Variants in CACNG4 observed in about 807,000 individuals in gnomAD.
CACNG4 encodes the protein calcium voltage-gated channel auxiliary subunit gamma 4, also known as voltage-dependent calcium channel gamma-4 subunit.
A neutral mutation model predicts 22.9 loss-of-function variants in CACNG4; 8 were observed. The ratio of observed to expected loss-of-function variants is 0.35; its 90% CI spans 0.21 to 0.63. The LOEUF (loss-of-function observed/expected upper bound fraction) is 0.63. Ranked by LOEUF, CACNG4 falls within the 30% of genes least tolerant of loss-of-function variation. The pLI is 0.72. For missense variants in CACNG4, 357 were observed against 455.4 expected (o/e 0.78, Z 1.97); for synonymous variants, 188 against 191.9 (o/e 0.98, Z 0.17).
chr17:67,023,521 T>A (rs1003288165), intron 2 of CACNG4, among the ~76,000 whole-genome samples: 3 of 151,594 alleles, frequency 2.0e-5, no homozygotes, highest in African/African-American at 7.3e-5. Context: ...GTGATCCACC[T>A]GCCTCAGCCT....
intron 1 of CACNG4, among the ~76,000 whole-genome samples, chr17:66,986,370 G>T (rs1200334942): frequency 6.6e-6 from 1 of 152,180 alleles, no homozygotes; most frequent in African/African-American, 2.4e-5. Context: ...CAAGGCTAGG[G>T]CAGGGGCACT....
At chr17:67,000,437 A>G (rs1855152201) in intron 1 of CACNG4, among the ~76,000 whole-genome samples, 1 of 151,968 alleles carries the variant, frequency 6.6e-6, no homozygotes, top group Non-Finnish European at 1.5e-5. Flanking sequence ...AAATGCAAGC[A>G]AAAGCCTCAA....
In CACNG4 at chr17:66,973,472, G is replaced by A. The variant is rs555790882; in HGVS notation, c.220+8341G>A. On this transcript the variant is annotated intron_variant, in intron 1 of 3. Coordinates refer to ENST00000262138, the MANE Select transcript of CACNG4 (RefSeq NM_014405.4). Reference sequence around the variant, plus strand: ...AGACAGGTGAGGCAGAGTGACTTACGCAAGGTGGCATGGCTCAGGAGCAGA... The same window carrying A: ...AGACAGGTGAGGCAGAGTGACTTACACAAGGTGGCATGGCTCAGGAGCAGA... 1.1e-4 allele frequency among the ~76,000 whole-genome samples: 16 copies of A among 152,340 alleles called. No individual in the cohort carries two copies. The South Asian group carries it at 1.2e-3, about 12-fold the overall frequency.
Position 66,964,878 on chromosome 17 carries a change from G to A in CACNG4, c.-34G>A, listed in dbSNP as rs1480435755. ...GGAGGGCGGGCGGGCGCGGCGGGCC[G>A]GGCCGGCGGGCGGCGGACTATGAGG... On this transcript the variant is annotated 5_prime_UTR_variant, in exon 1 of 4. Transcript: ENST00000262138. The A allele has an allele frequency of 4.1e-6, 5 of 1,216,734 alleles. No individual in the cohort carries two copies. The highest frequency in any genetic ancestry group is 3.3e-4 in the Middle Eastern group (1 of 3,026). The allele number at this position is 1,216,734 out of a possible 1,614,324, so 75.4% of individuals were successfully genotyped here. A position where few individuals can be genotyped will look rare whatever the true frequency, so the allele number is the denominator to read the frequency against.
At position 66,984,049 on chromosome 17, in the gene CACNG4, C is replaced by A. The variant is rs534274709; in HGVS notation, c.220+18918C>A. Among the ~76,000 whole-genome samples the A allele has an allele frequency of 6.6e-6, 1 of 152,218 alleles. No homozygotes were observed. Among genetic ancestry groups the A allele is most frequent in the Admixed American group, 6.5e-5 (1 of 15,294 alleles). ...AGACACATGTTCATCTAACTGCACC[C>A]TTAGGATTACTCTCTGTAGATTATC... On this transcript the variant is annotated intron_variant, in intron 1 of 3. Transcript: ENST00000262138. This position sits in a 1 kb window ranked among gnomAD's most constrained non-coding sequence, Gnocchi z 4.0.
intron 1 of CACNG4, among the ~76,000 whole-genome samples, chr17:66,995,442 T>C (rs951421835): frequency 3.9e-5 from 6 of 152,212 alleles, no homozygotes; most frequent in African/African-American, 1.4e-4. Flanking sequence ...AATGGAACCT[T>C]GCAGGGTTGG....
intron 1 of CACNG4, among the ~76,000 whole-genome samples, chr17:66,971,213 T>G (rs2035202473): frequency 6.6e-6 from 1 of 150,972 alleles, no homozygotes; most frequent in South Asian, 2.1e-4. Context: ...TGTGGCCTCA[T>G]GGAGGGTCCT....
In CACNG4 at chr17:67,031,909, A is replaced by G; in HGVS notation, c.*905A>G. The G allele has an allele frequency of 2.2e-6, 1 of 456,698 alleles. No individual in the cohort carries two copies. The highest frequency in any genetic ancestry group is 1.5e-5 in the South Asian group (1 of 64,560). 28.3% of individuals were successfully genotyped at this position (456,698 alleles called of 1,614,324 possible). ...AGAGGTGGACAGACACCTCCCTCCAACTGGCATTTGGCAACAGGAGCCTGG... is the reference window on the plus strand; with the variant it reads ...AGAGGTGGACAGACACCTCCCTCCAGCTGGCATTTGGCAACAGGAGCCTGG... On this transcript the variant is annotated 3_prime_UTR_variant, in exon 4 of 4. Transcript: ENST00000262138. This position sits in a 1 kb window ranked among gnomAD's most constrained non-coding sequence, Gnocchi z 4.0.
At chr17:66,989,170 A>G (rs1598108471) in intron 1 of CACNG4, among the ~76,000 whole-genome samples, 1 of 150,866 alleles carries the variant, frequency 6.6e-6, no homozygotes, top group Non-Finnish European at 1.5e-5. Context: ...TTATGGATGG[A>G]ACTGTGTCCC....
intron 1 of CACNG4, among the ~76,000 whole-genome samples, chr17:66,981,209 C>T (rs749102455): frequency 1.6e-4 from 25 of 152,092 alleles, no homozygotes; most frequent in Non-Finnish European, 3.2e-4. Flanking sequence ...GGCAGAAGCG[C>T]GAGGGAATAT....
In CACNG4 at chr17:67,032,797, C is replaced by T. The variant is rs1372743191; in HGVS notation, c.*1793C>T. On this transcript the variant is annotated 3_prime_UTR_variant, in exon 4 of 4. Transcript: ENST00000262138. Reference sequence around the variant, plus strand: ...AAGCACCAGAGCTCAAGGCCTTCACCTGCTCTAGGCCAGCCCTGTCACCAC... The same window carrying T: ...AAGCACCAGAGCTCAAGGCCTTCACTTGCTCTAGGCCAGCCCTGTCACCAC... 2 of 152,938 alleles carry T rather than the reference C, an allele frequency of 1.3e-5. No homozygotes were observed. Among genetic ancestry groups the T allele is most frequent in the African/African-American group, 4.8e-5 (2 of 41,480 alleles). The allele number at this position is 152,938 out of a possible 1,614,324, so 9.5% of individuals were successfully genotyped here.
intron 1 of CACNG4, among the ~76,000 whole-genome samples, chr17:67,014,956 A>AAAAAG (rs2035488641): frequency 6.6e-6 from 1 of 150,396 alleles, no homozygotes; most frequent in African/African-American, 2.5e-5. Flanking sequence ...AAAAAAAAAA[A>AAAAAG]AAAGAAAGAA....
At chr17:67,026,499 T>C (rs748810889) in intron 3 of CACNG4, among the ~76,000 whole-genome samples, 9 of 115,890 alleles carry the variant, frequency 7.8e-5, no homozygotes, top group Non-Finnish European at 1.2e-4. Context: ...ATTTGAGGAA[T>C]GTGGTGTATG....
At chr17:67,023,719 C>A (rs1555580498) in intron 2 of CACNG4, among the ~76,000 whole-genome samples, 1 of 151,928 alleles carries the variant, frequency 6.6e-6, no homozygotes, top group Non-Finnish European at 1.5e-5. Flanking sequence ...TTACAGGAGC[C>A]CACCACCATG....
intron 1 of CACNG4, among the ~76,000 whole-genome samples, chr17:67,002,584 A>G (rs1377550463): frequency 1.3e-5 from 2 of 151,572 alleles, no homozygotes; most frequent in Non-Finnish European, 2.9e-5. Context: ...GTGCCCTCCC[A>G]GACACTGGCT....
chr17:67,030,512 A>G lies in CACNG4; in HGVS notation c.492A>G (p.Thr164=), dbSNP rs1567761323. The G allele has an allele frequency of 2.5e-6, 4 of 1,614,084 alleles. No individual in the cohort carries two copies. The highest frequency in any genetic ancestry group is 3.4e-6 in the Non-Finnish European group (4 of 1,180,028). The part of the protein sequence containing the change: ...IGIIVYISSN[T]GDPSDKRDED... The stretch of plus-strand genomic sequence containing the variant: ...TCATCGTCTACATTTCCAGCAACAC[A>G]GGTGACCCGAGTGACAAGCGGGACG... The change falls in exon 4 of 4, where the codon ACA becomes ACG. Residue 164 remains threonine, a synonymous_variant. Coordinates refer to ENST00000262138, the MANE Select transcript of CACNG4 (RefSeq NM_014405.4). The surrounding 1 kb of genome is among the most constrained non-coding windows in gnomAD (Gnocchi z 6.4).
In CACNG4 at chr17:67,032,308, G is replaced by T. The variant is rs942811053; in HGVS notation, c.*1304G>T. On this transcript the variant is annotated 3_prime_UTR_variant, in exon 4 of 4. Transcript: ENST00000262138. The stretch of plus-strand genomic sequence containing the variant: ...CCCCCTCCTGAAGCAAGCAAAGAGC[G>T]TGGAGGCGTGTGCAGGCTTGGAAGA... The T allele has an allele frequency of 1.6e-5, 5 of 311,738 alleles. No homozygotes were observed. Among genetic ancestry groups the T allele is most frequent in the Non-Finnish European group, 3.1e-5 (5 of 160,930 alleles). 19.3% of individuals were successfully genotyped at this position (311,738 alleles called of 1,614,324 possible).
intron 1 of CACNG4, among the ~76,000 whole-genome samples, chr17:67,017,202 G>A (rs1002705382): frequency 8.6e-5 from 13 of 151,914 alleles, no homozygotes; most frequent in South Asian, 2.1e-4. Context: ...TCAGCCTCCC[G>A]AGTAGCTGGG....
chr17:67,003,108 G>T (rs1019319004), intron 1 of CACNG4, among the ~76,000 whole-genome samples: 1 of 152,040 alleles, frequency 6.6e-6, no homozygotes, highest in African/African-American at 2.4e-5. Flanking sequence ...TTTGTTATTA[G>T]AACAGGGCTG....
Sources: gnomAD v4.1 joint callset for allele counts (sites outside exome capture counted in the v4.1 genomes callset) on GRCh38, gnomAD v4.1.1 for gene constraint, Gnocchi (gnomAD v3.1) non-coding constraint, MANE v1.5 for transcripts, NCBI Gene and HGNC (gene_info 2026-07-23, HGNC 2026-07-21) for gene names.